Variants in ACOT11 observed in about 807,000 individuals in gnomAD.
ACOT11 encodes the protein acyl-coenzyme A thioesterase 11.
Under a neutral mutation model 77.5 loss-of-function variants are expected in ACOT11, and 69 were observed. That is an observed-to-expected ratio of 0.89 (90% CI 0.73 to 1.09). ACOT11 has a LOEUF of 1.09. Among genes scored for constraint, ACOT11 ranks in the 50% least tolerant of loss-of-function variants. ACOT11 has a pLI of 0.00. For missense variants in ACOT11, 766 were observed against 813.7 expected, an observed-to-expected ratio of 0.94 and a Z score of 0.71; for synonymous variants, 279 against 313.0, an observed-to-expected ratio of 0.89 and a Z score of 1.15.
intron 1 of ACOT11, among the ~76,000 whole-genome samples, chr1:54,552,630 T>C (rs1482920683): frequency 6.6e-6 from 1 of 152,078 alleles, no homozygotes; most frequent in Non-Finnish European, 1.5e-5. Flanking sequence ...TAGCTGGGAC[T>C]ACAGGTGCGT....
At chr1:54,594,525 A>G (rs1382432658) in intron 5 of ACOT11, 31 bp from the exon 6 acceptor site, 1 of 1,596,832 alleles carries the variant, frequency 6.3e-7, no homozygotes, top group East Asian at 2.2e-5. Flanking sequence ...ACTTGCCCTG[A>G]GTGTCCCCCA....
intron 1 of ACOT11, among the ~76,000 whole-genome samples, chr1:54,567,227 T>C (rs1251899687): frequency 6.6e-6 from 1 of 152,036 alleles, no homozygotes. Context: ...CATCTGCCAG[T>C]CACTCATTCT....
At position 54,610,167 on chromosome 1, in the gene ACOT11, TG is replaced by T; in HGVS notation, c.*1060del. 2.1e-6 allele frequency: 3 copies of T among 1,433,226 alleles called. No homozygotes were observed. In the East Asian group the frequency reaches 7.5e-5, roughly 36 times the overall value. 88.8% of individuals were successfully genotyped at this position (1,433,226 alleles called of 1,614,324 possible). A position where few individuals can be genotyped will look rare whatever the true frequency, so the allele number is the denominator to read the frequency against. ...CTTGGCCTTTACCCATGACTCAGCCTGGGGGCTGGTGCCGGCCTTGCCTGCA... is the reference window on the plus strand; with the variant it reads ...CTTGGCCTTTACCCATGACTCAGCCTGGGGCTGGTGCCGGCCTTGCCTGCA... On this transcript the variant is annotated 3_prime_UTR_variant, in exon 16 of 16. Coordinates refer to ENST00000343744, the MANE Select transcript of ACOT11 (RefSeq NM_147161.4).
Position 54,610,300 on chromosome 1 carries a change from GGTGTAAATAAACCTGT to G in ACOT11, c.*1191_*1206del. 6.5e-7 allele frequency: 1 copy of G among 1,533,258 alleles called. No homozygotes were observed. The highest frequency in any genetic ancestry group is 8.7e-7 in the Non-Finnish European group (1 of 1,143,128). 95.0% of individuals were successfully genotyped at this position (1,533,258 alleles called of 1,614,324 possible). The stretch of plus-strand genomic sequence containing the variant: ...CTGCCCCACCTTGCATCCAGGGTAT[GGTGTAAATAAACCTGT>G]GTTGCCATGGCAACAGAGACCGGCG... On this transcript the variant is annotated 3_prime_UTR_variant, in exon 16 of 16. Coordinates refer to ENST00000343744, the MANE Select transcript of ACOT11 (RefSeq NM_147161.4).
At chr1:54,637,242 C>A (rs1417251290) in exon 17 of ACOT11, 1 of 151,702 alleles carries the variant, frequency 6.6e-6, no homozygotes, top group African/African-American at 2.4e-5. Context: ...CCGAGCTGGT[C>A]TCGGCAGAGG....
In ACOT11 at chr1:54,602,128, G is replaced by T. The variant is rs74071865; in HGVS notation, c.1030-541G>T. Among the ~76,000 whole-genome samples the T allele has an allele frequency of 8.9e-3, 1,358 of 152,316 alleles. 23 individuals are homozygous for T. The highest frequency in any genetic ancestry group is 0.031 in the African/African-American group (1,274 of 41,558). On this transcript the variant is annotated intron_variant, in intron 9 of 15. Transcript: ENST00000343744. ...CCCAGGCATTTTCCTTGTACTTGGG[G>T]CTGGAGGACGTTAGATGTGGCGGTA... is the stretch of plus-strand genomic sequence containing the variant.
downstream of ACOT11, chr1:54,614,768 G>A (rs780998155): frequency 2.5e-5 from 41 of 1,614,004 alleles, no homozygotes; most frequent in Middle Eastern, 3.3e-4. Context: ...TGATCCATAT[G>A]GGCCGCCGGA....
At chr1:54,593,782 C>G (rs534445161) in intron 4 of ACOT11, among the ~76,000 whole-genome samples, 159 bp from the exon 5 acceptor site, 1 of 152,194 alleles carries the variant, frequency 6.6e-6, no homozygotes, top group Admixed American at 6.5e-5. Context: ...CAGAGTCAAA[C>G]CCCCCCTCAG....
intron 1 of ACOT11, among the ~76,000 whole-genome samples, chr1:54,567,488 AG>A (rs1653776218): frequency 6.6e-6 from 1 of 152,076 alleles, no homozygotes; most frequent in Non-Finnish European, 1.5e-5. Context: ...CATGTTGGCC[AG>A]GCTGGTCTTG....
intron 15 of ACOT11, among the ~76,000 whole-genome samples, chr1:54,619,300 CG>C (rs1180747917): frequency 6.6e-6 from 1 of 152,220 alleles, no homozygotes; most frequent in African/African-American, 2.4e-5. Flanking sequence ...GGGGGTCAAG[CG>C]TCACGCAGTG....
intron 1 of ACOT11, among the ~76,000 whole-genome samples, chr1:54,565,337 A>G (rs1461010339): frequency 6.6e-6 from 1 of 152,186 alleles, no homozygotes; most frequent in Non-Finnish European, 1.5e-5. Context: ...CATATCATGC[A>G]GAAGGTAGGA....
At chr1:54,610,472 C>T (rs201727345), downstream of ACOT11, 8 of 1,501,110 alleles carry the variant, frequency 5.3e-6, no homozygotes, top group Admixed American at 1.7e-5. Context: ...AGCCACTCCA[C>T]ATTCAGACCG....
intron 3 of ACOT11, among the ~76,000 whole-genome samples, chr1:54,588,272 C>T (rs1328032202): frequency 6.6e-6 from 1 of 152,114 alleles, no homozygotes; most frequent in African/African-American, 2.4e-5. Flanking sequence ...CCAGGTGCCC[C>T]ATGATTAACA....
chr1:54,607,793 T>G lies in ACOT11; in HGVS notation c.1503-149T>G. 1 of 1,042,654 alleles carries G rather than the reference T, an allele frequency of 9.6e-7. No homozygotes were observed. The highest frequency in any genetic ancestry group is 1.4e-6 in the Non-Finnish European group (1 of 723,564). 64.6% of individuals were successfully genotyped at this position (1,042,654 alleles called of 1,614,324 possible). A position where few individuals can be genotyped will look rare whatever the true frequency, so the allele number is the denominator to read the frequency against. On this transcript the variant is annotated intron_variant, in intron 14 of 15. Coordinates refer to ENST00000343744, the MANE Select transcript of ACOT11 (RefSeq NM_147161.4). The surrounding 1 kb of genome is among the most constrained non-coding windows in gnomAD (Gnocchi z 4.5). ...CTCCAGCCTGGCCCTGAGCCCCGCA[T>G]TGGGGCTTTAAGAGTCGATGTGCCT...
downstream of ACOT11, chr1:54,614,708 A>T: frequency 6.2e-7 from 1 of 1,613,132 alleles, no homozygotes; most frequent in Non-Finnish European, 8.5e-7. Flanking sequence ...ACTGTGTGGC[A>T]TTGACCTCAG....
In ACOT11 at chr1:54,561,094, T is replaced by G. The variant is rs201465920; in HGVS notation, c.33+12752T>G. On this transcript the variant is annotated intron_variant, in intron 1 of 15. Transcript: ENST00000343744. Reference sequence around the variant, plus strand: ...TGGCTGATTTTTTATTTTTTTTATTTTTTTTTATTTTTTAAATTTATTTTT... The same window carrying G: ...TGGCTGATTTTTTATTTTTTTTATTGTTTTTTATTTTTTAAATTTATTTTT... Among the ~76,000 whole-genome samples, 8 of 139,630 alleles carry G rather than the reference T, an allele frequency of 5.7e-5. No individual in the cohort carries two copies. The South Asian group carries it at 1.0e-3, about 18-fold the overall frequency. The allele number at this position is 139,630 out of a possible 152,430, so 91.6% of individuals were successfully genotyped here.
chr1:54,615,093 C>T (rs776144968), downstream of ACOT11, among the ~76,000 whole-genome samples: 4 of 152,020 alleles, frequency 2.6e-5, no homozygotes, highest in East Asian at 1.9e-4. Context: ...CCATCTCCTG[C>T]GGGGAGGAAA....
rs752805978 is a variant in ACOT11, at chr1:54,616,085, G to T, written c.1629+8017G>T. On this transcript the variant is annotated intron_variant, in intron 15 of 16. Coordinates refer to the ACOT11 transcript ENST00000371316. ...CAGTGTGTTGTCACTGTAGATAGTG[G>T]GGGGGTGTGCCATGATGGGAACTCC... The T allele has an allele frequency of 1.1e-5, 17 of 1,614,016 alleles. No homozygotes were observed. The highest frequency in any genetic ancestry group is 5.0e-5 in the Admixed American group (3 of 60,004).
intron 1 of ACOT11, among the ~76,000 whole-genome samples, chr1:54,565,241 A>T (rs1653693728): frequency 6.6e-6 from 1 of 152,168 alleles, no homozygotes; most frequent in Non-Finnish European, 1.5e-5. Context: ...CGAGGCAGTG[A>T]TACTCTTTAC....
Sources: allele counts gnomAD v4.1 joint callset (sites outside exome capture counted in the v4.1 genomes callset), GRCh38; gene constraint gnomAD v4.1.1; non-coding constraint Gnocchi (gnomAD v3.1); transcripts MANE v1.5; gene names NCBI Gene and HGNC (gene_info 2026-07-23, HGNC 2026-07-21).